Variants in CTNNA3 observed in about 807,000 individuals in gnomAD.
CTNNA3 encodes the protein catenin alpha 3.
CTNNA3 carries 76 observed loss-of-function variants against 95.7 expected under a neutral mutation model. The ratio of observed to expected loss-of-function variants is 0.79; its 90% confidence interval spans 0.66 to 0.96. The LOEUF is 0.96. CTNNA3 is among the 40% of genes least tolerant of loss of function. CTNNA3 has a pLI of 0.00. For missense variants in CTNNA3, 1,191 were observed against 1,089.8 expected (o/e 1.09, Z -1.31); for synonymous variants, 431 against 374.4 (o/e 1.15, Z -1.74).
At chr10:66,847,575 A>T (rs1478932445) in intron 7 of CTNNA3, among the ~76,000 whole-genome samples, 1 of 152,198 alleles carries the variant, frequency 6.6e-6, no homozygotes, top group Admixed American at 6.5e-5. Flanking sequence ...CATCATTAAA[A>T]TAATACTCAT....
At chr10:67,322,638 G>C (rs1841373607) in intron 5 of CTNNA3, among the ~76,000 whole-genome samples, 2 of 152,104 alleles carry the variant, frequency 1.3e-5, no homozygotes, top group African/African-American at 4.8e-5. Flanking sequence ...AGGCATTTAG[G>C]TTTATTCCAT....
At chr10:66,522,034 G>A (rs1345970314) in intron 10 of CTNNA3, among the ~76,000 whole-genome samples, 1 of 152,076 alleles carries the variant, frequency 6.6e-6, no homozygotes, top group African/African-American at 2.4e-5. Flanking sequence ...AGATGTCTAT[G>A]GTGTTGGCTA....
chr10:66,928,389 C>A (rs1408481027), intron 7 of CTNNA3: 4 of 1,614,050 alleles, frequency 2.5e-6, no homozygotes, highest in East Asian at 2.2e-5. Flanking sequence ...CGGAGACCAG[C>A]GAGATGCTGC....
At chr10:66,571,831 T>C (rs992886082) in intron 10 of CTNNA3, among the ~76,000 whole-genome samples, 2 of 152,154 alleles carry the variant, frequency 1.3e-5, no homozygotes, top group African/African-American at 4.8e-5. Context: ...AATGACCCTA[T>C]GTCATTGTCA....
chr10:67,684,597 C>T (rs1175589563), intron 1 of CTNNA3, among the ~76,000 whole-genome samples: 1 of 152,118 alleles, frequency 6.6e-6, no homozygotes, highest in East Asian at 1.9e-4. Context: ...TGGATAGGGG[C>T]AAAGAAGGGG....
chr10:67,031,642 G>A (rs754707762), intron 7 of CTNNA3, among the ~76,000 whole-genome samples: 22 of 152,074 alleles, frequency 1.4e-4, no homozygotes, highest in Admixed American at 1.2e-3. Context: ...TTTGAAATAC[G>A]CCCATCAACC....
chr10:67,011,945 T>G (rs569397131), intron 7 of CTNNA3, among the ~76,000 whole-genome samples: 32 of 152,120 alleles, frequency 2.1e-4, no homozygotes, highest in Admixed American at 1.2e-3. Context: ...GCCCCAGGAG[T>G]ACCCATCCAT....
chr10:65,979,891 T>C (rs1006457084), intron 16 of CTNNA3, among the ~76,000 whole-genome samples: 1 of 151,994 alleles, frequency 6.6e-6, no homozygotes, highest in Non-Finnish European at 1.5e-5. Context: ...TTTATTTTTA[T>C]AAAGTAGGAG....
At chr10:66,519,514 C>G (rs1334584922) in intron 11 of CTNNA3, among the ~76,000 whole-genome samples, 2 of 152,130 alleles carry the variant, frequency 1.3e-5, no homozygotes, top group Non-Finnish European at 2.9e-5. Flanking sequence ...AACCTGCCTC[C>G]CATTCTATTC....
chr10:67,556,452 G>A (rs968113442), intron 3 of CTNNA3, among the ~76,000 whole-genome samples: 1 of 152,122 alleles, frequency 6.6e-6, no homozygotes, highest in Non-Finnish European at 1.5e-5. Flanking sequence ...GGTCTATTCA[G>A]GGATTCAACT....
intron 7 of CTNNA3, among the ~76,000 whole-genome samples, chr10:66,935,678 T>A (rs1234526060): frequency 6.6e-6 from 1 of 151,996 alleles, no homozygotes; most frequent in Non-Finnish European, 1.5e-5. Context: ...TCCTATAATG[T>A]GAAGATATTT....
At chr10:66,596,023 C>A (rs532299146) in intron 10 of CTNNA3, among the ~76,000 whole-genome samples, 2 of 152,106 alleles carry the variant, frequency 1.3e-5, no homozygotes, top group South Asian at 4.2e-4. Flanking sequence ...TCAACTGACC[C>A]TCGTCCTACA....
At chr10:66,589,149 T>C (rs1424896929) in intron 10 of CTNNA3, among the ~76,000 whole-genome samples, 1 of 151,984 alleles carries the variant, frequency 6.6e-6, no homozygotes, top group Non-Finnish European at 1.5e-5. Context: ...TGTCCTGAAG[T>C]TGGTTTCCTT....
chr10:67,126,272 T>C (rs931870212), intron 7 of CTNNA3, among the ~76,000 whole-genome samples: 1 of 152,196 alleles, frequency 6.6e-6, no homozygotes, highest in Non-Finnish European at 1.5e-5. Flanking sequence ...CTCACGCCTG[T>C]AATCCCAGCA....
intron 7 of CTNNA3, among the ~76,000 whole-genome samples, chr10:66,824,405 T>C (rs565116122): frequency 6.6e-6 from 1 of 152,262 alleles, no homozygotes; most frequent in Admixed American, 6.5e-5. Context: ...CTCAGAAGGA[T>C]TTCCTGGAAT....
chr10:66,919,214 T>C (rs575059885), intron 7 of CTNNA3, among the ~76,000 whole-genome samples: 113 of 151,956 alleles, frequency 7.4e-4, no homozygotes, highest in Middle Eastern at 6.8e-3. Context: ...ATTGCACTTA[T>C]GTGGGAAGAG....
chr10:66,924,887 G>A (rs1445771851), intron 7 of CTNNA3, among the ~76,000 whole-genome samples: 1 of 152,106 alleles, frequency 6.6e-6, no homozygotes, highest in East Asian at 1.9e-4. Flanking sequence ...TTACATAGCT[G>A]GTAAATTGTA....
chr10:66,688,041 T>A (rs965074806), intron 9 of CTNNA3, among the ~76,000 whole-genome samples: 2 of 151,878 alleles, frequency 1.3e-5, no homozygotes, highest in African/African-American at 4.8e-5. Flanking sequence ...ATCCTAGAAA[T>A]AAAAAATATA....
At chr10:66,058,949 G>T (rs538219733) in intron 15 of CTNNA3, among the ~76,000 whole-genome samples, 1 of 152,178 alleles carries the variant, frequency 6.6e-6, no homozygotes, top group Non-Finnish European at 1.5e-5. Flanking sequence ...TATACATATG[G>T]TTAGACTTGT....
Sources: gnomAD v4.1 joint callset for allele counts (sites outside exome capture counted in the v4.1 genomes callset) on GRCh38, gnomAD v4.1.1 for gene constraint, MANE v1.5 for transcripts, NCBI Gene and HGNC (gene_info 2026-07-23, HGNC 2026-07-21) for gene names.